Variants in PCDHGA5 observed in about 807,000 individuals in gnomAD.
PCDHGA5 encodes the protein protocadherin gamma subfamily A, 5.
Under a neutral mutation model 56.7 loss-of-function variants are expected in PCDHGA5, and 36 were observed. The ratio of observed to expected loss-of-function variants is 0.64; its 90% CI spans 0.49 to 0.84. The LOEUF (loss-of-function observed/expected upper bound fraction) is 0.84. Ranked by LOEUF, PCDHGA5 falls within the 40% of genes least tolerant of loss-of-function variation. PCDHGA5 has a pLI of 0.00. For synonymous variants in PCDHGA5, 563 were observed against 520.2 expected (o/e 1.08, Z -1.12); for missense variants, 1,305 against 1,201.5 (o/e 1.09, Z -1.27).
chr5:141,439,638 C>T (rs1256973189), intron 1 of PCDHGA5, among the ~76,000 whole-genome samples: 2 of 152,184 alleles, frequency 1.3e-5, no homozygotes, highest in African/African-American at 4.8e-5. Context: ...GACATTCCGG[C>T]TTGGTGGCTT....
Position 141,511,285 on chromosome 5 carries a change from G to C in PCDHGA5, c.*112G>C. On this transcript the variant is annotated 3_prime_UTR_variant, in exon 4 of 4. Coordinates refer to ENST00000518069, the MANE Select transcript of PCDHGA5 (RefSeq NM_018918.3). Reference sequence around the variant, plus strand: ...GGGCTAACCCCCAGAATACTGGTAGGGGCCAAGGCCATGCTCCCCTTGGGA... The same window carrying C: ...GGGCTAACCCCCAGAATACTGGTAGCGGCCAAGGCCATGCTCCCCTTGGGA... 1 of 1,521,904 alleles carries C rather than the reference G, an allele frequency of 6.6e-7. No homozygotes were observed. The highest frequency in any genetic ancestry group is 8.8e-7 in the Non-Finnish European group (1 of 1,131,664). 94.3% of individuals were successfully genotyped at this position (1,521,904 alleles called of 1,614,324 possible).
intron 2 of PCDHGA5, among the ~76,000 whole-genome samples, chr5:141,503,269 C>T (rs1161751693): frequency 6.6e-6 from 1 of 152,116 alleles, no homozygotes; most frequent in Non-Finnish European, 1.5e-5. Flanking sequence ...ACCCCAGCAC[C>T]TGGCTCTGTG....
rs187488785 is a variant in PCDHGA5 at position 141,461,744 on chromosome 5, C to T, written c.2422-33063C>T. 5.9e-5 allele frequency among the ~76,000 whole-genome samples: 9 copies of T among 152,302 alleles called. No individual in the cohort carries two copies. The East Asian group carries it at 1.7e-3, about 29-fold the overall frequency. On this transcript the variant is annotated intron_variant, in intron 1 of 3. Transcript: ENST00000518069. ...GGAGTGCAGTGGCACAATCCCGGCT[C>T]CCAGATTCAAGCGATTCTCCTGCCT...
Position 141,485,392 on chromosome 5 carries a change from A to G in PCDHGA5, c.2422-9415A>G. ...AGGTCGCTGGAGAGGTGAACCAAAG[A>G]CACTTCCGTGTGGATTTGGACAGCG... On this transcript the variant is annotated intron_variant, in intron 1 of 3. Coordinates refer to ENST00000518069, the MANE Select transcript of PCDHGA5 (RefSeq NM_018918.3). This position sits in a 1 kb window ranked among gnomAD's most constrained non-coding sequence, Gnocchi z 5.7. 1 of 1,613,918 alleles carries G rather than the reference A, an allele frequency of 6.2e-7. No homozygotes were observed. The highest frequency in any genetic ancestry group is 8.5e-7 in the Non-Finnish European group (1 of 1,179,938).
intron 1 of PCDHGA5, among the ~76,000 whole-genome samples, chr5:141,369,500 C>G (rs1329582945): frequency 2.0e-5 from 3 of 151,738 alleles, no homozygotes; most frequent in Non-Finnish European, 4.4e-5. Context: ...AACCCCACCT[C>G]TATAGAAAAA....
rs368512862 is a variant in PCDHGA5 at position 141,491,734 on chromosome 5, G to T, written c.2422-3073G>T. ...CTCGGCGCCGCCCCGGGCGACCCCT[G>T]GGGGCGGCACTGGAGAAGCCGCCCG... On this transcript the variant is annotated intron_variant, in intron 1 of 3. Transcript: ENST00000518069. The surrounding 1 kb of genome is among the most constrained non-coding windows in gnomAD (Gnocchi z 6.9). 2.5e-4 allele frequency: 403 copies of T among 1,602,056 alleles called. No individual in the cohort carries two copies. Among genetic ancestry groups the T allele is most frequent in the Non-Finnish European group, 3.2e-4 (380 of 1,174,948 alleles).
At chr5:141,418,095 C>A (rs1246996867) in intron 1 of PCDHGA5, 1 of 1,614,006 alleles carries the variant, frequency 6.2e-7, no homozygotes, top group Middle Eastern at 1.7e-4. Context: ...AGCGTAGACG[C>A]GCAGAGCGGG....
intron 1 of PCDHGA5, chr5:141,372,026 C>T (rs1469685060): frequency 6.2e-7 from 1 of 1,613,330 alleles, no homozygotes; most frequent in Non-Finnish European, 8.5e-7. Flanking sequence ...CGCTCAGCGC[C>T]AACGTGAGCC....
intron 1 of PCDHGA5, chr5:141,395,804 A>C (rs150880061): frequency 6.6e-6 from 1 of 152,224 alleles, no homozygotes; most frequent in Non-Finnish European, 1.5e-5. Context: ...ACCATCCTTC[A>C]AAACATGAAC....
intron 1 of PCDHGA5, chr5:141,417,540 A>G (rs1301087527): frequency 2.0e-5 from 6 of 301,520 alleles, no homozygotes; most frequent in Non-Finnish European, 3.6e-5. Context: ...TTTAAAAAAA[A>G]TTCCTTGAAA....
At chr5:141,376,267 G>A (rs1021502624) in intron 1 of PCDHGA5, 6 of 1,614,210 alleles carry the variant, frequency 3.7e-6, no homozygotes, top group Non-Finnish European at 5.1e-6. Context: ...TGCAGGCTTC[G>A]GGAGGTGGCT....
At chr5:141,426,764 T>C (rs1285434687) in intron 1 of PCDHGA5, 5 of 456,638 alleles carry the variant, frequency 1.1e-5, no homozygotes, top group Non-Finnish European at 2.2e-5. Flanking sequence ...TAGATGCAGA[T>C]GTAGGGCCTC....
intron 2 of PCDHGA5, among the ~76,000 whole-genome samples, chr5:141,504,704 A>G (rs965376942): frequency 1.3e-5 from 2 of 151,356 alleles, no homozygotes; most frequent in African/African-American, 4.8e-5. Flanking sequence ...AGGTTCTTCT[A>G]TGGCCGTGGA....
chr5:141,381,233 C>T (rs978967101), intron 1 of PCDHGA5, among the ~76,000 whole-genome samples: 1 of 152,276 alleles, frequency 6.6e-6, no homozygotes, highest in African/African-American at 2.4e-5. Flanking sequence ...CCACCAACTA[C>T]TCTCCAGGAC....
In PCDHGA5 at chr5:141,366,337, T is replaced by C. The variant is rs370359448; in HGVS notation, c.2007T>C (p.Pro669=). Residue 669 remains proline (P), a synonymous_variant, in exon 1 of 4, where the codon CCT becomes CCC. Coordinates refer to ENST00000518069, the MANE Select transcript of PCDHGA5 (RefSeq NM_018918.3). ...CCGTTGCCGTGGCCGACAGGATCCCTGACATCCTGGCTGACCTAGGCAGTA... is the reference window on the plus strand; with the variant it reads ...CCGTTGCCGTGGCCGACAGGATCCCCGACATCCTGGCTGACCTAGGCAGTA... The part of the protein sequence containing the change: ...TVTVAVADRI[P]DILADLGSIK... 2.7e-5 allele frequency: 44 copies of C among 1,613,760 alleles called. No homozygotes were observed. The highest frequency in any genetic ancestry group is 2.2e-5 in the East Asian group (1 of 44,896).
Position 141,490,772 on chromosome 5 carries a change from C to T in PCDHGA5, c.2422-4035C>T. ...GCCTCCTCCTTTGTGTATGTCAACC[C>T]AGAGGATGGACGGATCTTTGCCCAG... On this transcript the variant is annotated intron_variant, in intron 1 of 3. Coordinates refer to ENST00000518069, the MANE Select transcript of PCDHGA5 (RefSeq NM_018918.3). This position sits in a 1 kb window ranked among gnomAD's most constrained non-coding sequence, Gnocchi z 5.4. 6.2e-7 allele frequency: 1 copy of T among 1,614,164 alleles called. No homozygotes were observed. The highest frequency in any genetic ancestry group is 1.1e-5 in the South Asian group (1 of 91,082).
In PCDHGA5 at chr5:141,432,452, C is replaced by T. The variant is rs780149710; in HGVS notation, c.2422-62355C>T. 3.7e-6 allele frequency: 6 copies of T among 1,614,094 alleles called. No homozygotes were observed. The highest frequency in any genetic ancestry group is 1.6e-4 in the Middle Eastern group (1 of 6,082). On this transcript the variant is annotated intron_variant, in intron 1 of 3. Coordinates refer to ENST00000518069, the MANE Select transcript of PCDHGA5 (RefSeq NM_018918.3). The surrounding 1 kb of genome is among the most constrained non-coding windows in gnomAD (Gnocchi z 6.0). ...CGACAATGCGCCCGAGATCCTGTACCCCGCCCTCCCCACGGACGGTTCCAC... is the reference window on the plus strand; with the variant it reads ...CGACAATGCGCCCGAGATCCTGTACTCCGCCCTCCCCACGGACGGTTCCAC...
intron 1 of PCDHGA5, chr5:141,388,629 G>T (rs755930967): frequency 6.2e-7 from 1 of 1,613,942 alleles, no homozygotes. Context: ...CGTATACAGG[G>T]TGAGCCTTTC....
chr5:141,383,951 C>CT (rs1779634638), intron 1 of PCDHGA5: 1 of 1,613,676 alleles, frequency 6.2e-7, no homozygotes, highest in African/African-American at 1.3e-5. Context: ...ACTATGACGT[C>CT]TTTAAGTAGC....
Sources: gnomAD v4.1 joint callset for allele counts (sites outside exome capture counted in the v4.1 genomes callset) on GRCh38, gnomAD v4.1.1 for gene constraint, Gnocchi (gnomAD v3.1) non-coding constraint, MANE v1.5 for transcripts, NCBI Gene and HGNC (gene_info 2026-07-23, HGNC 2026-07-21) for gene names.